Variants in RUNX2 observed in about 807,000 individuals in gnomAD.
RUNX2 encodes runt-related transcription factor 2.
A neutral mutation model predicts 51.7 loss-of-function variants in RUNX2; 10 were observed. That is an observed-to-expected ratio of 0.19 (90% CI 0.12 to 0.33). RUNX2 has a LOEUF of 0.33. RUNX2 is among the 10% of genes least tolerant of loss of function. The pLI, the probability that RUNX2 is intolerant of heterozygous loss-of-function variation, is 1.00. For synonymous variants in RUNX2, 276 were observed against 273.6 expected (o/e 1.01, Z -0.09); for missense variants, 562 against 691.3 (o/e 0.81, Z 2.10).
intron 7 of RUNX2, among the ~76,000 whole-genome samples, chr6:45,542,575 G>A (rs1802264567): frequency 6.6e-6 from 1 of 152,078 alleles, no homozygotes; most frequent in African/African-American, 2.4e-5. Flanking sequence ...CAAACTAATT[G>A]CCCATTATTT....
chr6:45,485,085 C>T (rs1191958252), intron 5 of RUNX2, among the ~76,000 whole-genome samples: 3 of 152,136 alleles, frequency 2.0e-5, no homozygotes, highest in Non-Finnish European at 2.9e-5. Flanking sequence ...CCCAGTTACC[C>T]CTCTCTTCCA....
chr6:45,432,413 G>A (rs1220741812), intron 4 of RUNX2, among the ~76,000 whole-genome samples: 1 of 152,156 alleles, frequency 6.6e-6, no homozygotes, highest in Non-Finnish European at 1.5e-5. Flanking sequence ...GGTCTAAGTT[G>A]TAGCAAGGAC....
rs1384199640 is a variant in RUNX2 at position 45,550,673 on chromosome 6, A to G, written c.*3368A>G. On this transcript the variant is annotated 3_prime_UTR_variant, in exon 9 of 9. Transcript: ENST00000647337. ...ATGTGTGTTTACTTCATGTTTACAAATAACTGTTTGCTTTTTAATGCAGTA... is the reference window on the plus strand; with the variant it reads ...ATGTGTGTTTACTTCATGTTTACAAGTAACTGTTTGCTTTTTAATGCAGTA... 1 of 152,688 alleles carries G rather than the reference A, an allele frequency of 6.5e-6. No individual in the cohort carries two copies. The highest frequency in any genetic ancestry group is 2.4e-5 in the African/African-American group (1 of 41,470). 9.5% of individuals were successfully genotyped at this position (152,688 alleles called of 1,614,324 possible).
At chr6:45,380,006 T>A (rs1330298521) in intron 2 of RUNX2, among the ~76,000 whole-genome samples, 1 of 152,242 alleles carries the variant, frequency 6.6e-6, no homozygotes, top group Non-Finnish European at 1.5e-5. Context: ...GAGATCTGAT[T>A]TTTAAAGTCA....
chr6:45,470,653 C>G (rs967749706), intron 5 of RUNX2, among the ~76,000 whole-genome samples: 1 of 152,194 alleles, frequency 6.6e-6, no homozygotes, highest in African/African-American at 2.4e-5. Context: ...ATTGTCCTTT[C>G]TTTGGTACCG....
At chr6:45,400,221 A>ATGAG (rs775525474) in intron 2 of RUNX2, among the ~76,000 whole-genome samples, 10 of 149,456 alleles carry the variant, frequency 6.7e-5, no homozygotes, top group Admixed American at 5.3e-4. Flanking sequence ...GAATGAGGGA[A>ATGAG]GGAAGGAAGG....
At chr6:45,329,212 G>C (rs1451336097) in intron 2 of RUNX2, among the ~76,000 whole-genome samples, 2 of 151,858 alleles carry the variant, frequency 1.3e-5, no homozygotes, top group African/African-American at 2.4e-5. Flanking sequence ...CAAAATAACA[G>C]ACCACAGAAT....
At chr6:45,436,007 G>GCTGGTTTATTCTT (rs1241169761) in intron 4 of RUNX2, among the ~76,000 whole-genome samples, 1 of 152,054 alleles carries the variant, frequency 6.6e-6, no homozygotes, top group African/African-American at 2.4e-5. Context: ...TAGACTCCTG[G>GCTGGTTTATTCTT]CTGGTTTATT....
intron 2 of RUNX2, among the ~76,000 whole-genome samples, chr6:45,386,710 A>T (rs1170709452): frequency 4.6e-5 from 7 of 152,218 alleles, no homozygotes; most frequent in Non-Finnish European, 1.5e-5. Context: ...ATGATGGTTT[A>T]ACAAAATGAG....
At position 45,549,349 on chromosome 6, in the gene RUNX2, A is replaced by G. The variant is rs1802498499; in HGVS notation, c.*2044A>G. The G allele has an allele frequency of 2.5e-6, 1 of 398,440 alleles. No individual in the cohort carries two copies. The highest frequency in any genetic ancestry group is 4.4e-6 in the Non-Finnish European group (1 of 226,064). 24.7% of individuals were successfully genotyped at this position (398,440 alleles called of 1,614,324 possible). ...TTTGTAGGCCACCCAGCATTGCAGG[A>G]CAGCGTGTGGGGCAGCTGGACCTGT... On this transcript the variant is annotated 3_prime_UTR_variant, in exon 9 of 9. Coordinates refer to ENST00000647337, the MANE Select transcript of RUNX2 (RefSeq NM_001024630.4).
At chr6:45,346,858 C>T (rs1416133429) in intron 2 of RUNX2, among the ~76,000 whole-genome samples, 1 of 152,070 alleles carries the variant, frequency 6.6e-6, no homozygotes, top group Admixed American at 6.6e-5. Flanking sequence ...AGCCATCGCG[C>T]CGGGCCTCAA....
chr6:45,436,571 C>T (rs781073937), intron 4 of RUNX2, among the ~76,000 whole-genome samples: 1 of 152,034 alleles, frequency 6.6e-6, no homozygotes, highest in African/African-American at 2.4e-5. Flanking sequence ...GTTTTTTTCC[C>T]CTTGGCTATA....
intron 5 of RUNX2, among the ~76,000 whole-genome samples, chr6:45,485,449 G>T (rs1228556531): frequency 6.6e-6 from 1 of 151,416 alleles, no homozygotes; most frequent in Non-Finnish European, 1.5e-5. Flanking sequence ...TGATCTGCTC[G>T]CCTCGGCCTC....
chr6:45,361,057 G>A (rs1794164909), intron 2 of RUNX2, among the ~76,000 whole-genome samples: 1 of 152,132 alleles, frequency 6.6e-6, no homozygotes, highest in South Asian at 2.1e-4. Flanking sequence ...AGGGTCACTT[G>A]TGCCTAAGAG....
chr6:45,353,059 C>T, intron 2 of RUNX2, among the ~76,000 whole-genome samples: 1 of 151,940 alleles, frequency 6.6e-6, no homozygotes, highest in East Asian at 1.9e-4. Flanking sequence ...TCTAATAGTA[C>T]AGTAGTTAAC....
intron 2 of RUNX2, among the ~76,000 whole-genome samples, chr6:45,408,131 G>A (rs1426567337): frequency 1.3e-5 from 2 of 151,758 alleles, no homozygotes; most frequent in African/African-American, 4.8e-5. Flanking sequence ...TTGATTAATG[G>A]AGGCTCTGTG....
At chr6:45,386,675 C>T (rs771267562) in intron 2 of RUNX2, among the ~76,000 whole-genome samples, 12 of 152,138 alleles carry the variant, frequency 7.9e-5, no homozygotes, top group South Asian at 4.1e-4. Flanking sequence ...GAGAAGATGA[C>T]GCATCACTCA....
intron 5 of RUNX2, among the ~76,000 whole-genome samples, chr6:45,474,726 GGTT>G (rs1183861423): frequency 6.6e-6 from 1 of 152,122 alleles, no homozygotes; most frequent in Non-Finnish European, 1.5e-5. Flanking sequence ...GACTGTGAAT[GGTT>G]GAGATGGCTT....
intron 2 of RUNX2, among the ~76,000 whole-genome samples, chr6:45,406,004 T>A (rs1313849330): frequency 6.6e-6 from 1 of 152,220 alleles, no homozygotes; most frequent in Non-Finnish European, 1.5e-5. Context: ...AGTTTATATA[T>A]GTAAACCACT....
Sources: allele counts gnomAD v4.1 joint callset (sites outside exome capture counted in the v4.1 genomes callset), GRCh38; gene constraint gnomAD v4.1.1; transcripts MANE v1.5; gene names NCBI Gene and HGNC (gene_info 2026-07-23, HGNC 2026-07-21).